FAT3: variants seen among roughly 807,000 people sequenced by gnomAD.
FAT3 encodes FAT atypical cadherin 3.
In FAT3, 95 loss-of-function variants were observed where a neutral mutation model predicts 310.2. That is an observed-to-expected ratio of 0.31 (90% CI 0.26 to 0.36). The LOEUF (loss-of-function observed/expected upper bound fraction) is 0.36, where lower values mean the gene tolerates loss of function less well. Among genes scored for constraint, FAT3 ranks in the 10% least tolerant of loss-of-function variants. The pLI, the probability that FAT3 is intolerant of heterozygous loss-of-function variation, is 1.00. For missense variants in FAT3, 5,408 were observed against 5,715.6 expected (o/e 0.95, Z 1.74); for synonymous variants, 2,314 against 2,192.9 (o/e 1.06, Z -1.54).
chr11:92,309,347 G>A (rs934349072), intron 1 of FAT3, among the ~76,000 whole-genome samples: 3 of 131,878 alleles, frequency 2.3e-5, no homozygotes, highest in Non-Finnish European at 3.1e-5. Context: ...TCCATACATT[G>A]GTGCTTGCAC....
chr11:92,312,322 G>A (rs1264264878), intron 1 of FAT3, among the ~76,000 whole-genome samples: 1 of 152,222 alleles, frequency 6.6e-6, no homozygotes, highest in African/African-American at 2.4e-5. Flanking sequence ...TGACAGGACA[G>A]TGGATAAGTG....
intron 4 of FAT3, among the ~76,000 whole-genome samples, chr11:92,750,707 G>T (rs2088531679): frequency 6.6e-6 from 1 of 152,066 alleles, no homozygotes. Flanking sequence ...TGGCTTGGTA[G>T]CATGGAACGT....
chr11:92,714,135 G>A (rs1045587582), intron 4 of FAT3, among the ~76,000 whole-genome samples: 2 of 152,048 alleles, frequency 1.3e-5, no homozygotes, highest in African/African-American at 4.8e-5. Flanking sequence ...TAGACTGTTT[G>A]TATTATCTGT....
chr11:92,337,052 G>A (rs1011475890), intron 1 of FAT3, among the ~76,000 whole-genome samples: 4 of 152,246 alleles, frequency 2.6e-5, no homozygotes, highest in South Asian at 4.1e-4. Flanking sequence ...GTAAACATCC[G>A]CTGAAGTTCC....
chr11:92,569,400 G>T (rs986369343), intron 3 of FAT3, among the ~76,000 whole-genome samples: 1 of 152,156 alleles, frequency 6.6e-6, no homozygotes, highest in African/African-American at 2.4e-5. Flanking sequence ...AGTATGCCTA[G>T]CCTTCAGCCA....
At chr11:92,409,855 C>T (rs906801654) in intron 2 of FAT3, among the ~76,000 whole-genome samples, 2 of 152,034 alleles carry the variant, frequency 1.3e-5, no homozygotes, top group Non-Finnish European at 2.9e-5. Context: ...AGACAGCATT[C>T]TATACAAGTG....
At chr11:92,349,979 GAA>G (rs34283403) in intron 1 of FAT3, among the ~76,000 whole-genome samples, 15 of 124,496 alleles carry the variant, frequency 1.2e-4, no homozygotes, top group African/African-American at 1.7e-4. Flanking sequence ...AGGTGGAGCT[GAA>G]AAAAAAAAAA....
intron 2 of FAT3, among the ~76,000 whole-genome samples, chr11:92,365,786 G>T (rs1446988465): frequency 6.6e-6 from 1 of 152,144 alleles, no homozygotes; most frequent in Non-Finnish European, 1.5e-5. Context: ...ACAGCAGGAG[G>T]CACTCCTACC....
chr11:92,753,798 G>GTGTGTGTGTGTGTATA lies in FAT3; in HGVS notation c.3670-8057_3670-8056insGTGTGTGTGTGTATAT. ...GGTGTGTGTGTGTGTGTGTGTGTGTGTATATATATATGGTGGAATACTACT... is the reference window on the plus strand; with the variant it reads ...GGTGTGTGTGTGTGTGTGTGTGTGTGTGTGTGTGTGTGTATATATATATATATGGTGGAATACTACT... On this transcript the variant is annotated intron_variant, in intron 4 of 27. Transcript: ENST00000525166. Among the ~76,000 whole-genome samples, 11 of 119,162 alleles carry GTGTGTGTGTGTGTATA rather than the reference G, an allele frequency of 9.2e-5. 1 individual carries two copies. The highest frequency in any genetic ancestry group is 4.3e-4 in the African/African-American group (11 of 25,726). 78.2% of individuals were successfully genotyped at this position (119,162 alleles called of 152,430 possible). A position where few individuals can be genotyped will look rare whatever the true frequency, so the allele number is the denominator to read the frequency against.
intron 3 of FAT3, among the ~76,000 whole-genome samples, chr11:92,655,115 T>C (rs1194640625): frequency 6.6e-6 from 1 of 152,180 alleles, no homozygotes; most frequent in Non-Finnish European, 1.5e-5. Context: ...CTTACTAAAG[T>C]AGTCACTCTC....
intron 4 of FAT3, among the ~76,000 whole-genome samples, chr11:92,716,274 A>C (rs778911862): frequency 4.5e-4 from 68 of 152,306 alleles, no homozygotes; most frequent in Non-Finnish European, 4.9e-4. Context: ...GCTGGTGTTC[A>C]GTAGCAGGCA....
At chr11:92,687,596 A>G (rs930579010) in intron 3 of FAT3, among the ~76,000 whole-genome samples, 3 of 152,102 alleles carry the variant, frequency 2.0e-5, no homozygotes, top group African/African-American at 2.4e-5. Flanking sequence ...ATATGTGTCT[A>G]CCTCTCTCAC....
At chr11:92,849,114 A>G (rs1482606457) in intron 19 of FAT3, among the ~76,000 whole-genome samples, 2 of 152,224 alleles carry the variant, frequency 1.3e-5, no homozygotes, top group Non-Finnish European at 2.9e-5. Context: ...TCAAAAATTA[A>G]GGAAACCAAA....
At chr11:92,613,935 T>A (rs987402385) in intron 3 of FAT3, among the ~76,000 whole-genome samples, 5 of 152,160 alleles carry the variant, frequency 3.3e-5, no homozygotes, top group African/African-American at 1.2e-4. Context: ...AGCAACCATA[T>A]GTCTATTTTC....
rs1947378648 is a variant in FAT3 at position 92,314,233 on chromosome 11, T to C, written c.-17-37863T>C. 1.5e-5 allele frequency: 14 copies of C among 928,900 alleles called. No homozygotes were observed. In the South Asian group the frequency reaches 6.4e-4, roughly 43 times the overall value. 57.5% of individuals were successfully genotyped at this position (928,900 alleles called of 1,614,324 possible). ...ATGAAGTTTTGTGGTTTTGGCTAAT[T>C]AATAATTAAGGTCATTGGATCATTT... On this transcript the variant is annotated intron_variant, in intron 1 of 27. Coordinates refer to ENST00000525166, the MANE Select transcript of FAT3 (RefSeq NM_001367949.2).
At chr11:92,587,003 T>C (rs1020007321) in intron 3 of FAT3, among the ~76,000 whole-genome samples, 1 of 152,054 alleles carries the variant, frequency 6.6e-6, no homozygotes, top group African/African-American at 2.4e-5. Context: ...CAAAGCCATA[T>C]AAGAGATTTC....
intron 2 of FAT3, among the ~76,000 whole-genome samples, chr11:92,474,130 T>A (rs1229871495): frequency 6.6e-6 from 1 of 152,188 alleles, no homozygotes; most frequent in African/African-American, 2.4e-5. Flanking sequence ...CAACAGCTTC[T>A]TATAAACCCT....
intron 1 of FAT3, among the ~76,000 whole-genome samples, chr11:92,324,538 A>G (rs1006285906): frequency 6.6e-6 from 1 of 152,186 alleles, no homozygotes; most frequent in African/African-American, 2.4e-5. Context: ...ACCTTCTTAT[A>G]TGGGTGTGGT....
intron 2 of FAT3, among the ~76,000 whole-genome samples, chr11:92,510,627 C>T (rs1953260377): frequency 6.6e-6 from 1 of 152,316 alleles, no homozygotes; most frequent in East Asian, 1.9e-4. Flanking sequence ...TCTGAACCTA[C>T]AGAACATCAT....
Sources: gnomAD v4.1 joint callset for allele counts (sites outside exome capture counted in the v4.1 genomes callset) on GRCh38, gnomAD v4.1.1 for gene constraint, MANE v1.5 for transcripts, NCBI Gene and HGNC (gene_info 2026-07-23, HGNC 2026-07-21) for gene names.